The following PRKAR2A variants were observed in gnomAD, a reference collection of about 807,000 sequenced individuals.
PRKAR2A encodes the protein protein kinase cAMP-dependent type II regulatory subunit alpha.
Under a neutral mutation model 51.9 loss-of-function variants are expected in PRKAR2A, and 29 were observed. The ratio of observed to expected loss-of-function variants is 0.56; its 90% CI spans 0.42 to 0.76. The LOEUF (loss-of-function observed/expected upper bound fraction) is 0.76. Ranked by LOEUF, PRKAR2A falls within the 30% of genes least tolerant of loss-of-function variation. The pLI is 0.00. For missense variants in PRKAR2A, 445 were observed against 512.1 expected (o/e 0.87, Z 1.26); for synonymous variants, 178 against 186.2 (o/e 0.96, Z 0.36).
chr3:48,760,586 C>A (rs1393306489), intron 8 of PRKAR2A, among the ~76,000 whole-genome samples: 1 of 150,188 alleles, frequency 6.7e-6, no homozygotes, highest in Non-Finnish European at 1.5e-5. Flanking sequence ...CTTTGGGAGG[C>A]CGAGGCTGAG....
intron 4 of PRKAR2A, 42 bp downstream of exon 4, chr3:48,790,502 A>G: frequency 1.4e-6 from 2 of 1,402,156 alleles, no homozygotes; most frequent in Non-Finnish European, 9.7e-7. Flanking sequence ...GAGCAAAGCT[A>G]AAAGATCATT....
chr3:48,800,391 T>TA (rs2082568987), intron 2 of PRKAR2A, among the ~76,000 whole-genome samples: 1 of 150,792 alleles, frequency 6.6e-6, no homozygotes, highest in African/African-American at 2.4e-5. Context: ...TGCATGCCTG[T>TA]AGTCCCAGCT....
At chr3:48,790,776 C>G in intron 3 of PRKAR2A, 149 bp from the exon 4 acceptor site, 1 of 513,064 alleles carries the variant, frequency 1.9e-6, no homozygotes, top group Non-Finnish European at 3.1e-6. Context: ...AAGCTGCATG[C>G]TAAAGGTGGA....
chr3:48,767,834 G>A (rs2081963799), intron 6 of PRKAR2A, among the ~76,000 whole-genome samples: 2 of 151,632 alleles, frequency 1.3e-5, no homozygotes, highest in South Asian at 2.1e-4. Context: ...TGAGACAGGA[G>A]AATCGCTTGA....
intron 6 of PRKAR2A, among the ~76,000 whole-genome samples, chr3:48,770,833 G>A (rs1417769666): frequency 1.3e-5 from 2 of 152,172 alleles, no homozygotes; most frequent in Admixed American, 6.6e-5. Context: ...TTATGCCCAT[G>A]TATTTAATCC....
chr3:48,745,869 A>G (rs2081556996), downstream of PRKAR2A, among the ~76,000 whole-genome samples: 1 of 152,092 alleles, frequency 6.6e-6, no homozygotes, highest in Non-Finnish European at 1.5e-5. Context: ...TTTGGTATAG[A>G]AGTAAAGTAG....
At chr3:48,838,176 C>CA (rs1017674609) in intron 1 of PRKAR2A, among the ~76,000 whole-genome samples, 25 of 145,334 alleles carry the variant, frequency 1.7e-4, no homozygotes, top group East Asian at 8.3e-4. Context: ...AGACTCCGCT[C>CA]AAAAAAAAAC....
rs201356788 is a variant in PRKAR2A at position 48,834,890 on chromosome 3, C to CA, written c.262+12444dup. Among the ~76,000 whole-genome samples, 1,087 of 149,696 alleles carry CA rather than the reference C, an allele frequency of 7.3e-3. 16 individuals are homozygous for CA. The highest frequency in any genetic ancestry group is 0.024 in the African/African-American group (983 of 40,800). On this transcript the variant is annotated intron_variant, in intron 1 of 10. Transcript: ENST00000265563. ...AAAAGACTTGAATAGACTTTTCTAC[C>CA]AAAAAAACATACAAATGGGGGCAGG...
Position 48,751,347 on chromosome 3 carries a change from G to A in PRKAR2A, c.*238C>T, listed in dbSNP as rs1157364749. The A allele has an allele frequency of 1.5e-6, 1 of 666,658 alleles. No individual in the cohort carries two copies. The highest frequency in any genetic ancestry group is 2.7e-6 in the Non-Finnish European group (1 of 364,548). 41.3% of individuals were successfully genotyped at this position (666,658 alleles called of 1,614,324 possible). Reference sequence around the variant, plus strand: ...CCAAAGATATAAAAACTGGGTTGGAGTAATCTTTACAAGTGGTCTAATGAA... The same window carrying A: ...CCAAAGATATAAAAACTGGGTTGGAATAATCTTTACAAGTGGTCTAATGAA... On this transcript the variant is annotated 3_prime_UTR_variant, in exon 11 of 11. Coordinates refer to ENST00000265563, the MANE Select transcript of PRKAR2A (RefSeq NM_004157.4).
At chr3:48,810,439 A>G (rs1260114960) in intron 1 of PRKAR2A, among the ~76,000 whole-genome samples, 2 of 152,106 alleles carry the variant, frequency 1.3e-5, no homozygotes, top group East Asian at 3.9e-4. Flanking sequence ...GATTACTTAT[A>G]ATACCTACTA....
At chr3:48,799,243 G>A (rs2082546740) in intron 2 of PRKAR2A, among the ~76,000 whole-genome samples, 1 of 152,104 alleles carries the variant, frequency 6.6e-6, no homozygotes, top group African/African-American at 2.4e-5. Flanking sequence ...AGACCTACAG[G>A]AAATGAAGAT....
Position 48,753,002 on chromosome 3 carries a change from C to T in PRKAR2A, c.940-685G>A, listed in dbSNP as rs35159831. The stretch of plus-strand genomic sequence containing the variant: ...GGCTGGAGTGCAGTGGCGCAATATC[C>T]GCTCACTTCAAGCTCTGCCTCCCAG... On this transcript the variant is annotated intron_variant, in intron 9 of 10. Coordinates refer to ENST00000265563, the MANE Select transcript of PRKAR2A (RefSeq NM_004157.4). Among the ~76,000 whole-genome samples, 829 of 137,398 alleles carry T rather than the reference C, an allele frequency of 6.0e-3. 23 individuals carry two copies. The highest frequency in any genetic ancestry group is 0.051 in the Admixed American group (637 of 12,472). 90.1% of individuals were successfully genotyped at this position (137,398 alleles called of 152,430 possible).
At chr3:48,816,614 G>A (rs754262626) in intron 1 of PRKAR2A, among the ~76,000 whole-genome samples, 1 of 152,032 alleles carries the variant, frequency 6.6e-6, no homozygotes, top group African/African-American at 2.4e-5. Flanking sequence ...CTCCAGCCTT[G>A]CGACAGAGAG....
At chr3:48,794,083 A>G (rs2082447325) in intron 2 of PRKAR2A, 34 bp from the exon 3 acceptor site, 1 of 1,501,286 alleles carries the variant, frequency 6.7e-7, no homozygotes, top group African/African-American at 1.4e-5. Flanking sequence ...AAAAGAATGA[A>G]TTTAACAGAT....
intron 1 of PRKAR2A, among the ~76,000 whole-genome samples, chr3:48,839,134 A>C (rs1265084070): frequency 6.6e-6 from 1 of 151,962 alleles, no homozygotes; most frequent in Non-Finnish European, 1.5e-5. Flanking sequence ...CTAAAAACAC[A>C]AACATTAGCC....
At chr3:48,790,511 T>C in intron 4 of PRKAR2A, 33 bp downstream of exon 4, 1 of 1,438,266 alleles carries the variant, frequency 7.0e-7, no homozygotes. Context: ...TAAAAGATCA[T>C]TATAATAAAA....
chr3:48,762,542 C>T (rs563729991), intron 8 of PRKAR2A, among the ~76,000 whole-genome samples: 1 of 151,962 alleles, frequency 6.6e-6, no homozygotes, highest in African/African-American at 2.4e-5. Flanking sequence ...GGCTGAGGCA[C>T]AAGAATCGCT....
At chr3:48,746,421 C>G (rs1053633543), downstream of PRKAR2A, among the ~76,000 whole-genome samples, 2 of 149,584 alleles carry the variant, frequency 1.3e-5, no homozygotes, top group African/African-American at 2.4e-5. Flanking sequence ...GACTGCTTCT[C>G]TGGAGAACCC....
intron 2 of PRKAR2A, among the ~76,000 whole-genome samples, chr3:48,802,145 G>A (rs562871695): frequency 2.6e-5 from 4 of 152,212 alleles, no homozygotes; most frequent in Admixed American, 6.5e-5. Flanking sequence ...CTGACCTCAG[G>A]TGATCCACTG....
Sources: allele counts gnomAD v4.1 joint callset (sites outside exome capture counted in the v4.1 genomes callset), GRCh38; gene constraint gnomAD v4.1.1; transcripts MANE v1.5; gene names NCBI Gene and HGNC (gene_info 2026-07-23, HGNC 2026-07-21).